Variants in AAK1 observed in about 807,000 individuals in gnomAD.
The protein encoded by AAK1 is AP2-associated protein kinase 1.
Under a neutral mutation model 116.0 loss-of-function variants are expected in AAK1, and 37 were observed. The ratio of observed to expected loss-of-function variants is 0.32; its 90% CI spans 0.25 to 0.42. The LOEUF is 0.42. Among genes scored for constraint, AAK1 ranks in the 10% least tolerant of loss-of-function variants. AAK1 has a pLI of 1.00. For synonymous variants in AAK1, 458 were observed against 439.9 expected (o/e 1.04, Z -0.51); for missense variants, 919 against 1,170.6 (o/e 0.79, Z 3.14).
chr2:69,505,639 C>T lies in AAK1; in HGVS notation c.2199G>A (p.Glu733=), dbSNP rs1558917896. ...KHPEKLGGSA[E]SLIPGFQSTQ... is the part of the protein sequence containing the mutation. ...TTGATTGAAAGCCTGGGATCAAACTCTCAGCTGAGCCTCCAAGCTTCTCGG... is the reference window on the plus strand; with the variant it reads ...TTGATTGAAAGCCTGGGATCAAACTTTCAGCTGAGCCTCCAAGCTTCTCGG... Residue 733 remains glutamate (E), a synonymous_variant, in exon 16 of 22, where the codon GAG becomes GAA. Transcript: ENST00000409085. The T allele has an allele frequency of 1.2e-6, 2 of 1,613,742 alleles. No individual in the cohort carries two copies. Among genetic ancestry groups the T allele is most frequent in the Non-Finnish European group, 1.7e-6 (2 of 1,179,738 alleles).
At position 69,467,567 on chromosome 2, in the gene AAK1, T is replaced by C; in HGVS notation, c.*8302A>G. The stretch of plus-strand genomic sequence containing the variant: ...TTTCATCATGGGCTCAGTAAAGAGA[T>C]ACTACTGGAGTTTCCCAACCCACCA... On this transcript the variant is annotated 3_prime_UTR_variant, in exon 22 of 22. Transcript: ENST00000409085. 2 of 985,428 alleles carry C rather than the reference T, an allele frequency of 2.0e-6. No individual in the cohort carries two copies. The highest frequency in any genetic ancestry group is 2.4e-6 in the Non-Finnish European group (2 of 829,924). The allele number at this position is 985,428 out of a possible 1,614,324, so 61.0% of individuals were successfully genotyped here.
chr2:69,458,720 C>CACAA lies in AAK1; in HGVS notation c.*17148_*17149insTTGT, dbSNP rs1175243488. The CACAA allele has an allele frequency of 1.3e-5, 2 of 152,562 alleles. No individual in the cohort carries two copies. The highest frequency in any genetic ancestry group is 2.9e-5 in the Non-Finnish European group (2 of 68,062). 9.5% of individuals were successfully genotyped at this position (152,562 alleles called of 1,614,324 possible). On this transcript the variant is annotated 3_prime_UTR_variant, in exon 22 of 22. Coordinates refer to ENST00000409085, the MANE Select transcript of AAK1 (RefSeq NM_014911.5). ...GAAGATGAATGAGCACACACACACA[C>CACAA]ACACACACCCCATTCACACTCAAAT... is the stretch of plus-strand genomic sequence containing the variant.
chr2:69,636,233 T>A (rs988837706), intron 2 of AAK1, among the ~76,000 whole-genome samples: 2 of 152,072 alleles, frequency 1.3e-5, no homozygotes, highest in Non-Finnish European at 2.9e-5. Flanking sequence ...GATAATGCAA[T>A]CAAAAATGAA....
chr2:69,524,265 T>C (rs1056020159), intron 10 of AAK1, among the ~76,000 whole-genome samples: 4 of 152,154 alleles, frequency 2.6e-5, no homozygotes, highest in Non-Finnish European at 5.9e-5. Flanking sequence ...TAAAAAGAGA[T>C]AGGGTCTCAC....
At chr2:69,602,397 A>G (rs554573216) in intron 2 of AAK1, among the ~76,000 whole-genome samples, 1 of 152,168 alleles carries the variant, frequency 6.6e-6, no homozygotes, top group East Asian at 1.9e-4. Context: ...TTAAGGAAAT[A>G]TACACTAAAA....
chr2:69,600,608 G>C (rs74581069), intron 2 of AAK1, among the ~76,000 whole-genome samples: 1,999 of 152,282 alleles, frequency 0.013, 46 homozygotes, highest in African/African-American at 0.046. Context: ...GGCAAAAAAA[G>C]TGGTTTCTTG....
At chr2:69,636,558 A>G (rs1189392866) in intron 2 of AAK1, among the ~76,000 whole-genome samples, 1 of 152,212 alleles carries the variant, frequency 6.6e-6, no homozygotes, top group Non-Finnish European at 1.5e-5. Flanking sequence ...GCTCTAGACC[A>G]ACACTGCCAG....
intron 14 of AAK1, among the ~76,000 whole-genome samples, chr2:69,508,539 G>T (rs941070389): frequency 1.3e-5 from 2 of 152,172 alleles, no homozygotes; most frequent in Admixed American, 1.3e-4. Flanking sequence ...ATTTCCAAAG[G>T]TTGACTAAGA....
At chr2:69,542,278 A>G (rs933433800) in intron 5 of AAK1, among the ~76,000 whole-genome samples, 1 of 152,232 alleles carries the variant, frequency 6.6e-6, no homozygotes, top group Admixed American at 6.5e-5. Flanking sequence ...ATCAGGAAAA[A>G]CAAAAACAAC....
chr2:69,497,491 G>A (rs1367853044), intron 16 of AAK1, among the ~76,000 whole-genome samples: 1 of 151,394 alleles, frequency 6.6e-6, no homozygotes, highest in Non-Finnish European at 1.5e-5. Flanking sequence ...TAGTAGAGAC[G>A]GGGTTTTACC....
At position 69,472,238 on chromosome 2, in the gene AAK1, A is replaced by G; in HGVS notation, c.*3631T>C. ...CTGTCTTCAACAGTAACCACTCTTC[A>G]TCTTACAGGGTTGAATTTGCTTTCT... On this transcript the variant is annotated 3_prime_UTR_variant, in exon 22 of 22. Transcript: ENST00000409085. 5 of 878,542 alleles carry G rather than the reference A, an allele frequency of 5.7e-6. No individual in the cohort carries two copies. Among genetic ancestry groups the G allele is most frequent in the Non-Finnish European group, 6.8e-6 (5 of 732,616 alleles). The allele number at this position is 878,542 out of a possible 1,614,324, so 54.4% of individuals were successfully genotyped here.
chr2:69,595,701 A>C (rs1308407720), intron 2 of AAK1, among the ~76,000 whole-genome samples: 1 of 151,976 alleles, frequency 6.6e-6, no homozygotes, highest in Non-Finnish European at 1.5e-5. Context: ...CAAGTTATCC[A>C]TAAGATCTAG....
chr2:69,476,146 T>G (rs991877471), intron 21 of AAK1, among the ~76,000 whole-genome samples, 183 bp from the exon 22 acceptor site: 2 of 152,116 alleles, frequency 1.3e-5, no homozygotes, highest in Non-Finnish European at 2.9e-5. Flanking sequence ...TTTTGAAACA[T>G]GTAAGTTAGC....
intron 2 of AAK1, among the ~76,000 whole-genome samples, chr2:69,587,982 T>C (rs1259833885): frequency 1.3e-5 from 2 of 152,014 alleles, no homozygotes; most frequent in Non-Finnish European, 2.9e-5. Context: ...AGGCTGGTCT[T>C]GAACCCCTGG....
intron 10 of AAK1, 47 bp downstream of exon 10, chr2:69,524,986 G>T: frequency 6.5e-7 from 1 of 1,541,586 alleles, no homozygotes; most frequent in South Asian, 1.1e-5. Flanking sequence ...ATTCCCTGCT[G>T]CTGTGGCAAT....
At chr2:69,583,209 C>T (rs1037341231) in intron 2 of AAK1, among the ~76,000 whole-genome samples, 4 of 152,234 alleles carry the variant, frequency 2.6e-5, no homozygotes, top group African/African-American at 9.6e-5. Flanking sequence ...ACATTTGCCA[C>T]ATTTTGGTGA....
intron 2 of AAK1, among the ~76,000 whole-genome samples, chr2:69,639,194 G>A (rs1001407493): frequency 2.0e-5 from 3 of 152,116 alleles, no homozygotes; most frequent in Admixed American, 6.5e-5. Flanking sequence ...CCAGAATGTT[G>A]TCTTCAACAC....
At chr2:69,476,110 T>A in intron 21 of AAK1, 147 bp from the exon 22 acceptor site, 1 of 1,425,196 alleles carries the variant, frequency 7.0e-7, no homozygotes, top group Non-Finnish European at 9.2e-7. Context: ...AGCAATATTT[T>A]ACATTTGCAA....
At chr2:69,525,215 T>G (rs1189680444) in intron 9 of AAK1, 103 bp from the exon 10 acceptor site, 1 of 1,180,800 alleles carries the variant, frequency 8.5e-7, no homozygotes, top group East Asian at 2.5e-5. Flanking sequence ...TGGAAACACA[T>G]TTTGGGATCT....
Sources: gnomAD v4.1 joint callset for allele counts (sites outside exome capture counted in the v4.1 genomes callset) on GRCh38, gnomAD v4.1.1 for gene constraint, MANE v1.5 for transcripts, NCBI Gene and HGNC (gene_info 2026-07-23, HGNC 2026-07-21) for gene names.